Variants in ADPRHL1 observed in about 807,000 individuals in gnomAD.
ADPRHL1 encodes the protein ADP-ribosylhydrolase like 1.
A neutral mutation model predicts 44.1 loss-of-function variants in ADPRHL1; 43 were observed. That is an observed-to-expected ratio of 0.98 (90% CI 0.76 to 1.26). The LOEUF (loss-of-function observed/expected upper bound fraction) is 1.26. Among genes scored for constraint, ADPRHL1 ranks in the 50% most tolerant of loss-of-function variants. The pLI, the probability that ADPRHL1 is intolerant of heterozygous loss-of-function variation, is 0.00. For synonymous variants in ADPRHL1, 878 were observed against 1,017.4 expected (o/e 0.86, Z 2.61); for missense variants, 2,022 against 2,496.9 (o/e 0.81, Z 4.05).
At chr13:113,433,487 A>C (rs2044021466) in intron 3 of ADPRHL1, among the ~76,000 whole-genome samples, 1 of 152,222 alleles carries the variant, frequency 6.6e-6, no homozygotes, top group African/African-American at 2.4e-5. Flanking sequence ...CAGATTAAAA[A>C]ATAAGCCAAC....
At chr13:113,450,578 C>G (rs554240828) in intron 1 of ADPRHL1, among the ~76,000 whole-genome samples, 1 of 152,114 alleles carries the variant, frequency 6.6e-6, no homozygotes, top group South Asian at 2.1e-4. Context: ...GTAAAGAATG[C>G]GAGTCACCTC....
At chr13:113,416,226 G>A (rs1248385287) in intron 7 of ADPRHL1, among the ~76,000 whole-genome samples, 1 of 152,004 alleles carries the variant, frequency 6.6e-6, no homozygotes, top group African/African-American at 2.4e-5. Flanking sequence ...CTGAGTATCT[G>A]TATTTCCTGG....
At chr13:113,435,218 G>A (rs866357349) in intron 2 of ADPRHL1, among the ~76,000 whole-genome samples, 9 of 16,886 alleles carry the variant, frequency 5.3e-4, no homozygotes, top group African/African-American at 1.0e-3. Flanking sequence ...GGTGTACCCC[G>A]GGACCCAGCA....
chr13:113,452,037 C>T (rs765353649), intron 1 of ADPRHL1, among the ~76,000 whole-genome samples: 29 of 152,276 alleles, frequency 1.9e-4, no homozygotes, highest in Admixed American at 8.5e-4. Flanking sequence ...AGCGCACACA[C>T]GGCATCAGAC....
At chr13:113,434,025 G>C (rs1470749373) in intron 2 of ADPRHL1, among the ~76,000 whole-genome samples, 158 bp from the exon 3 acceptor site, 2 of 132,388 alleles carry the variant, frequency 1.5e-5, no homozygotes, top group East Asian at 4.0e-4. Context: ...GGCCACTCAA[G>C]TCCTGCAGCA....
intron 1 of ADPRHL1, among the ~76,000 whole-genome samples, chr13:113,445,971 A>AGCACGCGCGT (rs2044133704): frequency 5.3e-4 from 78 of 147,992 alleles, no homozygotes; most frequent in African/African-American, 1.1e-3. Flanking sequence ...CCCTGGAGAG[A>AGCACGCGCGT]GTGCACAGGA....
intron 2 of ADPRHL1, among the ~76,000 whole-genome samples, chr13:113,439,949 T>C (rs1473307795): frequency 6.6e-6 from 1 of 152,238 alleles, no homozygotes; most frequent in Non-Finnish European, 1.5e-5. Flanking sequence ...TCGTTCATAG[T>C]GATGATTTGT....
intron 1 of ADPRHL1, among the ~76,000 whole-genome samples, chr13:113,452,536 C>T (rs1390740697): frequency 6.6e-6 from 1 of 152,214 alleles, no homozygotes; most frequent in African/African-American, 2.4e-5. Context: ...GACTGCATGT[C>T]TGTGCACCTG....
In ADPRHL1 at chr13:113,406,810, G is replaced by A. The variant is rs568067781; in HGVS notation, c.2472C>T (p.Asn824=). 3.0e-4 allele frequency: 374 copies of A among 1,232,070 alleles called. No individual in the cohort carries two copies. Among genetic ancestry groups the A allele is most frequent in the Middle Eastern group, 1.6e-3 (5 of 3,208 alleles). 76.3% of individuals were successfully genotyped at this position (1,232,070 alleles called of 1,614,324 possible). ...TCCGAGCAGCCTGGACCGATGGAGC[G>A]TTCAGGGGTGGGATGTGCTCCGGCA... ...QKVPEHIPPL[N]APSVQAARRT... is the part of the protein sequence containing the mutation. The change falls in exon 8 of 8, where the codon AAC becomes AAT. Residue 824 remains asparagine (N), a synonymous_variant. Transcript: ENST00000612156.
intron 2 of ADPRHL1, among the ~76,000 whole-genome samples, chr13:113,436,181 C>T (rs2044053983): frequency 6.6e-6 from 1 of 151,708 alleles, no homozygotes; most frequent in Non-Finnish European, 1.5e-5. Flanking sequence ...ATAGGTGTAC[C>T]CCGGGACCCA....
At chr13:113,443,966 G>A (rs1279696911) in intron 2 of ADPRHL1, among the ~76,000 whole-genome samples, 6 of 151,986 alleles carry the variant, frequency 3.9e-5, no homozygotes, top group East Asian at 1.9e-4. Context: ...AATTTAAAGC[G>A]TGCTTTTCAA....
chr13:113,434,380 G>A (rs1284942695), intron 2 of ADPRHL1, among the ~76,000 whole-genome samples: 1 of 150,688 alleles, frequency 6.6e-6, no homozygotes, highest in African/African-American at 2.5e-5. Flanking sequence ...TGTACCCTGG[G>A]ACCCAGCACC....
At position 113,444,540 on chromosome 13, in the gene ADPRHL1, C is replaced by T; in HGVS notation, c.264G>A (p.Val88=). ...DLYREMVRCY[V]EIVEKLPERR... ...GTTCTGGAAGCTTCTCAACGATTTC[C>T]ACATAGCATCTCACCATCTCCCGGT... The change falls in exon 2 of 8, where the codon GTG becomes GTA. Residue 88 remains valine, a synonymous_variant. Coordinates refer to ENST00000612156, the MANE Select transcript of ADPRHL1 (RefSeq NM_001394807.1). 1.2e-6 allele frequency: 2 copies of T among 1,614,196 alleles called. No homozygotes were observed. Among genetic ancestry groups the T allele is most frequent in the African/African-American group, 1.3e-5 (1 of 75,034 alleles).
intron 7 of ADPRHL1, among the ~76,000 whole-genome samples, chr13:113,414,139 G>T (rs1271024426): frequency 6.6e-6 from 1 of 152,244 alleles, no homozygotes; most frequent in Non-Finnish European, 1.5e-5. Context: ...TCTGAGAGAA[G>T]GGCAGGGCCG....
intron 7 of ADPRHL1, among the ~76,000 whole-genome samples, chr13:113,410,597 T>C (rs567630555): frequency 9.8e-5 from 15 of 152,340 alleles, no homozygotes; most frequent in Non-Finnish European, 2.1e-4. Context: ...CACGCCCTCG[T>C]TCTGAGTCAT....
chr13:113,425,841 C>T (rs574786573), intron 4 of ADPRHL1, among the ~76,000 whole-genome samples: 3 of 152,150 alleles, frequency 2.0e-5, no homozygotes, highest in South Asian at 2.1e-4. Flanking sequence ...CCACCACGCC[C>T]GGCTAATTTT....
chr13:113,429,252 A>T (rs1410836863), intron 3 of ADPRHL1, among the ~76,000 whole-genome samples, 160 bp from the exon 4 acceptor site: 3 of 152,158 alleles, frequency 2.0e-5, no homozygotes, highest in African/African-American at 7.2e-5. Flanking sequence ...CCACGTTCAC[A>T]CTGTGGACAT....
At chr13:113,448,315 A>C (rs558291063) in intron 1 of ADPRHL1, among the ~76,000 whole-genome samples, 1 of 151,954 alleles carries the variant, frequency 6.6e-6, no homozygotes, top group Non-Finnish European at 1.5e-5. Flanking sequence ...CAACATAGTG[A>C]AACCCCCGTC....
chr13:113,413,305 C>T (rs1829065445), intron 7 of ADPRHL1, among the ~76,000 whole-genome samples: 1 of 152,256 alleles, frequency 6.6e-6, no homozygotes, highest in Admixed American at 6.5e-5. Context: ...CGCTGCCTCC[C>T]TGACGAGCTC....
Sources: allele counts gnomAD v4.1 joint callset (sites outside exome capture counted in the v4.1 genomes callset), GRCh38; gene constraint gnomAD v4.1.1; transcripts MANE v1.5; gene names NCBI Gene and HGNC (gene_info 2026-07-23, HGNC 2026-07-21).